ARHGAP18: variants seen among roughly 807,000 people sequenced by gnomAD.
ARHGAP18 encodes rho GTPase-activating protein 18.
Under a neutral mutation model 86.2 loss-of-function variants are expected in ARHGAP18, and 67 were observed. The observed-to-expected ratio is 0.78, with a 90% CI of 0.64 to 0.95. The LOEUF is 0.95. Among genes scored for constraint, ARHGAP18 ranks in the 40% least tolerant of loss-of-function variants. The pLI, the probability that ARHGAP18 is intolerant of heterozygous loss-of-function variation, is 0.00. For missense variants in ARHGAP18, 691 were observed against 780.4 expected, an observed-to-expected ratio of 0.89 and a Z score of 1.37; for synonymous variants, 283 against 280.4, an observed-to-expected ratio of 1.01 and a Z score of -0.09.
chr6:129,580,703 T>C (rs1788270353), intron 13 of ARHGAP18, among the ~76,000 whole-genome samples: 2 of 152,002 alleles, frequency 1.3e-5, no homozygotes, highest in Admixed American at 6.6e-5. Flanking sequence ...CAAAACCCCA[T>C]TTCTACCCAA....
intron 5 of ARHGAP18, among the ~76,000 whole-genome samples, 173 bp downstream of exon 5, chr6:129,629,180 T>C (rs1773125574): frequency 6.6e-6 from 1 of 151,972 alleles, no homozygotes; most frequent in Non-Finnish European, 1.5e-5. Context: ...GCCCAGGAGT[T>C]TGAGATAAGC....
chr6:129,686,454 T>G (rs1368318281), intron 1 of ARHGAP18, among the ~76,000 whole-genome samples: 2 of 152,186 alleles, frequency 1.3e-5, no homozygotes, highest in African/African-American at 4.8e-5. Context: ...GCCTCCAGCC[T>G]ACCACTCCAC....
intron 1 of ARHGAP18, among the ~76,000 whole-genome samples, chr6:129,675,322 T>G (rs1402928193): frequency 6.7e-6 from 1 of 148,390 alleles, no homozygotes; most frequent in East Asian, 2.0e-4. Flanking sequence ...AGGCAGAGCT[T>G]GCAGTGAACC....
intron 1 of ARHGAP18, among the ~76,000 whole-genome samples, chr6:129,670,846 C>T (rs1363739167): frequency 6.6e-6 from 1 of 152,110 alleles, no homozygotes. Context: ...AGGTTCCTCC[C>T]CTCCACACAG....
At chr6:129,582,562 T>C (rs1482552273) in intron 13 of ARHGAP18, among the ~76,000 whole-genome samples, 2 of 152,112 alleles carry the variant, frequency 1.3e-5, no homozygotes. Context: ...GCAGAGAGGA[T>C]GTGGATTGAC....
intron 9 of ARHGAP18, among the ~76,000 whole-genome samples, chr6:129,606,865 CTT>C (rs34265406): frequency 4.2e-5 from 6 of 144,430 alleles, no homozygotes; most frequent in South Asian, 2.2e-4. Flanking sequence ...GCAATTTATT[CTT>C]TTTTTTTTTT....
intron 5 of ARHGAP18, among the ~76,000 whole-genome samples, chr6:129,628,873 T>C (rs1773106044): frequency 6.6e-6 from 1 of 152,154 alleles, no homozygotes; most frequent in Non-Finnish European, 1.5e-5. Context: ...CGGGGAAGTT[T>C]TGATATGACT....
chr6:129,601,282 C>T (rs1369145610), intron 10 of ARHGAP18, among the ~76,000 whole-genome samples: 1 of 152,178 alleles, frequency 6.6e-6, no homozygotes, highest in Non-Finnish European at 1.5e-5. Flanking sequence ...TTCTTTAAGG[C>T]AATCAATATC....
At chr6:129,616,989 C>G (rs1789112285) in intron 6 of ARHGAP18, among the ~76,000 whole-genome samples, 1 of 152,076 alleles carries the variant, frequency 6.6e-6, no homozygotes, top group Non-Finnish European at 1.5e-5. Context: ...TTCATCTTTT[C>G]CATATTAAAT....
chr6:129,601,474 AAAGAG>A lies in ARHGAP18; in HGVS notation c.1366-631_1366-627del, dbSNP rs762686939. On this transcript the variant is annotated intron_variant, in intron 10 of 14. Coordinates refer to ENST00000368149, the MANE Select transcript of ARHGAP18 (RefSeq NM_033515.3). ...AGAGAAACCCTCTCTCAAAAAAGGA[AAAGAG>A]AAGAGAAGAGAAGAGAGAAAAGAGA... Among the ~76,000 whole-genome samples, 378 of 152,020 alleles carry A rather than the reference AAAGAG, an allele frequency of 2.5e-3. 1 individual carries two copies. The highest frequency in any genetic ancestry group is 6.8e-3 in the Middle Eastern group (2 of 294).
chr6:129,600,094 T>C (rs1788707663), intron 11 of ARHGAP18, among the ~76,000 whole-genome samples: 1 of 152,164 alleles, frequency 6.6e-6, no homozygotes, highest in Non-Finnish European at 1.5e-5. Context: ...GAGATTGAAA[T>C]ATTCAATATT....
chr6:129,631,076 CTTTAA>C (rs1347450095), intron 4 of ARHGAP18, among the ~76,000 whole-genome samples: 1 of 152,130 alleles, frequency 6.6e-6, no homozygotes, highest in Non-Finnish European at 1.5e-5. Flanking sequence ...CAAAGCACAA[CTTTAA>C]TTTTATTTTC....
chr6:129,636,518 G>A (rs1319518678), intron 3 of ARHGAP18, among the ~76,000 whole-genome samples: 1 of 152,150 alleles, frequency 6.6e-6, no homozygotes, highest in Non-Finnish European at 1.5e-5. Context: ...ATAGAGACTG[G>A]TTAAAAGCAT....
rs564068918 is a variant in ARHGAP18, at chr6:129,583,913, A to C, written c.1838+75T>G. On this transcript the variant is annotated intron_variant, in intron 13 of 14. Transcript: ENST00000368149. ...AACAAAAAAAAAAAAAAGGAAGAAGAAGCAGCAGCGAAGGCGAGAGAGAGA... is the reference window on the plus strand; with the variant it reads ...AACAAAAAAAAAAAAAAGGAAGAAGCAGCAGCAGCGAAGGCGAGAGAGAGA... 1,673 of 1,526,570 alleles carry C rather than the reference A, an allele frequency of 1.1e-3. 7 individuals carry two copies. Among genetic ancestry groups the C allele is most frequent in the Middle Eastern group, 3.2e-3 (18 of 5,562 alleles). 94.6% of individuals were successfully genotyped at this position (1,526,570 alleles called of 1,614,324 possible).
At chr6:129,614,152 G>C (rs1789042567) in intron 7 of ARHGAP18, among the ~76,000 whole-genome samples, 1 of 152,182 alleles carries the variant, frequency 6.6e-6, no homozygotes, top group African/African-American at 2.4e-5. Flanking sequence ...ATAGATATTA[G>C]ATAAGCTTTG....
chr6:129,608,064 GAAAAAAAAAAAAA>G lies in ARHGAP18; in HGVS notation c.1123-25_1123-13del, dbSNP rs577070164. On this transcript the variant is annotated splice_polypyrimidine_tract_variant and intron_variant, in intron 8 of 14. Transcript: ENST00000368149. ...TCTTGGCAAAGATTCTGATAGGCACGAAAAAAAAAAAAAAAAAAAAAAGAAGCAGCTAGAAGTG... is the reference window on the plus strand; with the variant it reads ...TCTTGGCAAAGATTCTGATAGGCACGAAAAAAAAAGAAGCAGCTAGAAGTG... 1.0e-5 allele frequency: 10 copies of G among 985,052 alleles called. No individual in the cohort carries two copies. The East Asian group carries it at 3.7e-4, about 36-fold the overall frequency. 61.0% of individuals were successfully genotyped at this position (985,052 alleles called of 1,614,324 possible).
rs1788181283 is a variant in ARHGAP18 at position 129,576,660 on chromosome 6, C to A, written c.*1853G>T. The A allele has an allele frequency of 6.6e-6, 1 of 152,094 alleles. No homozygotes were observed. Among genetic ancestry groups the A allele is most frequent in the African/African-American group, 2.4e-5 (1 of 41,422 alleles). The allele number at this position is 152,094 out of a possible 1,614,324, so 9.4% of individuals were successfully genotyped here. ...CTGACCCTCCTTTTCAGGTAGGTAG[C>A]AAACGTTGCGAAATTTAGTTGGCAT... On this transcript the variant is annotated 3_prime_UTR_variant, in exon 15 of 15. Coordinates refer to ENST00000368149, the MANE Select transcript of ARHGAP18 (RefSeq NM_033515.3).
rs184542542 is a variant in ARHGAP18, at chr6:129,688,563, C to G, written c.113+21461G>C. On this transcript the variant is annotated intron_variant, in intron 1 of 14. Transcript: ENST00000368149. ...GTCCCAGCACTTTGGGAGGCCGAGG[C>G]GGGTGGATCACCTGAGGTCAGGAGT... 8.8e-4 allele frequency among the ~76,000 whole-genome samples: 134 copies of G among 152,220 alleles called. 1 individual carries two copies. The East Asian group carries it at 0.025, about 28-fold the overall frequency.
intron 1 of ARHGAP18, among the ~76,000 whole-genome samples, chr6:129,702,868 C>T (rs369165306): frequency 1.4e-4 from 21 of 152,312 alleles, no homozygotes; most frequent in African/African-American, 4.3e-4. Context: ...GGTGTGGTGG[C>T]GCACGCCTGT....
Sources: allele counts gnomAD v4.1 joint callset (sites outside exome capture counted in the v4.1 genomes callset), GRCh38; gene constraint gnomAD v4.1.1; transcripts MANE v1.5; gene names NCBI Gene and HGNC (gene_info 2026-07-23, HGNC 2026-07-21).